The following IRAG2 variants were observed in gnomAD, a reference collection of about 807,000 sequenced individuals.
The protein encoded by IRAG2 is inositol 1,4,5-triphosphate receptor associated 2, also known as lymphoid restricted membrane protein.
IRAG2 carries 45 observed loss-of-function variants against 69.9 expected under a neutral mutation model. The ratio of observed to expected loss-of-function variants is 0.64; its 90% CI spans 0.51 to 0.83. The LOEUF (loss-of-function observed/expected upper bound fraction) is 0.83, where lower values mean the gene tolerates loss of function less well. IRAG2 is among the 40% of genes least tolerant of loss of function. The pLI, the probability that IRAG2 is intolerant of heterozygous loss-of-function variation, is 0.00. For synonymous variants in IRAG2, 193 were observed against 202.4 expected (o/e 0.95, Z 0.40); for missense variants, 520 against 587.0 (o/e 0.89, Z 1.18).
intron 3 of IRAG2, among the ~76,000 whole-genome samples, chr12:25,013,803 A>G (rs1325198396): frequency 2.0e-5 from 3 of 151,708 alleles, no homozygotes. Flanking sequence ...GGAAAATATT[A>G]GAAAGAATTT....
At chr12:25,004,907 A>G (rs1591920527) in exon 1 of IRAG2, 1 of 1,230,304 alleles carries the variant, frequency 8.1e-7, no homozygotes, top group Non-Finnish European at 1.0e-6. Flanking sequence ...TTATCTCTGA[A>G]TGAAGATGGT....
At chr12:25,096,617 T>C (rs1948434698) in intron 14 of IRAG2, among the ~76,000 whole-genome samples, 1 of 152,204 alleles carries the variant, frequency 6.6e-6, no homozygotes, top group South Asian at 2.1e-4. Flanking sequence ...ACCAATTAAT[T>C]GCAGCCCATC....
Position 25,079,736 on chromosome 12 carries a change from T to C in IRAG2, c.217T>C (p.Ser73Pro). The C allele has an allele frequency of 6.2e-7, 1 of 1,613,808 alleles. No individual in the cohort carries two copies. The change falls in exon 9 of 22, where the codon TCA (serine) becomes CCA (proline). Residue 73 changes from serine (S) to proline (P), a missense_variant. Coordinates refer to ENST00000556887, the MANE Select transcript of IRAG2 (RefSeq NM_001366544.2). ...SLCKKEEDTR[S>P]ASPTIEAQGT... is the part of the protein sequence containing the mutation. ...CTGTAAGAAAGAGGAGGATACAAGA[T>C]CAGCTTCTCCCACGATAGAGGCCCA... is the stretch of plus-strand genomic sequence containing the variant.
At chr12:25,026,659 C>T (rs1944624325) in intron 8 of IRAG2, 1 of 405,946 alleles carries the variant, frequency 2.5e-6, no homozygotes, top group African/African-American at 2.1e-5. Context: ...GGAGTAGTGG[C>T]TGAGGTTGAA....
chr12:25,101,390 T>C, intron 16 of IRAG2, 65 bp downstream of exon 16: 1 of 1,184,018 alleles, frequency 8.4e-7, no homozygotes, highest in Middle Eastern at 2.3e-4. Context: ...TTTTGCTAAG[T>C]CTTATTATTA....
intron 7 of IRAG2, chr12:25,020,941 G>T: frequency 9.1e-7 from 1 of 1,103,808 alleles, no homozygotes; most frequent in Non-Finnish European, 1.1e-6. Context: ...TGAATTTGGC[G>T]TATAATTTAC....
chr12:25,047,661 T>C (rs1944805864), upstream of IRAG2, among the ~76,000 whole-genome samples: 1 of 152,074 alleles, frequency 6.6e-6, no homozygotes, highest in South Asian at 2.1e-4. Context: ...CCGCAATGTG[T>C]CCATGTGTTC....
At chr12:25,063,450 T>C (rs1945764936) in intron 3 of IRAG2, among the ~76,000 whole-genome samples, 2 of 152,226 alleles carry the variant, frequency 1.3e-5, no homozygotes, top group Admixed American at 1.3e-4. Context: ...TACATCAAAG[T>C]GTCAATTATT....
chr12:25,088,212 T>C, intron 11 of IRAG2, 55 bp downstream of exon 11: 1 of 1,424,608 alleles, frequency 7.0e-7, no homozygotes, highest in Non-Finnish European at 9.9e-7. Flanking sequence ...GCTGATATTT[T>C]TGTGGGTGAA....
intron 1 of IRAG2, chr12:25,004,981 C>A: frequency 2.0e-6 from 2 of 1,005,776 alleles, no homozygotes; most frequent in Non-Finnish European, 2.6e-6. Flanking sequence ...TTTTAGAATA[C>A]CTGAACTAAA....
At chr12:25,056,879 T>C (rs1200202998) in intron 1 of IRAG2, among the ~76,000 whole-genome samples, 1 of 152,176 alleles carries the variant, frequency 6.6e-6, no homozygotes, top group Non-Finnish European at 1.5e-5. Context: ...AATAAGTGTC[T>C]GCACCTGGGC....
chr12:25,044,324 AAACTC>A (rs1944774307), intron 16 of IRAG2, among the ~76,000 whole-genome samples: 1 of 152,070 alleles, frequency 6.6e-6, no homozygotes, highest in African/African-American at 2.4e-5. Context: ...GAAGTCAACA[AAACTC>A]AAAGGAAGGC....
chr12:25,013,629 G>C (rs1944494797), intron 3 of IRAG2, among the ~76,000 whole-genome samples: 1 of 152,088 alleles, frequency 6.6e-6, no homozygotes, highest in African/African-American at 2.4e-5. Flanking sequence ...TATTTAAAAA[G>C]AGACAATTGG....
chr12:25,011,550 T>G, exon 3 of IRAG2: 1 of 1,231,208 alleles, frequency 8.1e-7, no homozygotes, highest in Non-Finnish European at 1.0e-6. Flanking sequence ...TGGAAACACA[T>G]GGTAATCAGA....
chr12:25,075,530 G>GTC (rs1224028632), intron 6 of IRAG2, among the ~76,000 whole-genome samples: 1 of 137,908 alleles, frequency 7.3e-6, no homozygotes, highest in African/African-American at 2.8e-5. Context: ...GCGTGTGTGT[G>GTC]TGTGTGTGTG....
intron 1 of IRAG2, among the ~76,000 whole-genome samples, chr12:25,061,092 G>T (rs1032492548): frequency 6.6e-6 from 1 of 152,068 alleles, no homozygotes; most frequent in Non-Finnish European, 1.5e-5. Context: ...GTTCTAGCCT[G>T]GTTTTCCATT....
chr12:25,024,287 A>C (rs1016236055), intron 8 of IRAG2, among the ~76,000 whole-genome samples: 6 of 152,224 alleles, frequency 3.9e-5, no homozygotes, highest in African/African-American at 1.4e-4. Context: ...TTCAGATCTT[A>C]AATTCACTGA....
chr12:25,021,762 T>C (rs1233761325), intron 7 of IRAG2, among the ~76,000 whole-genome samples: 1 of 152,254 alleles, frequency 6.6e-6, no homozygotes, highest in East Asian at 1.9e-4. Context: ...TTTTAGAGTC[T>C]CTAAATCTTG....
At chr12:25,000,556 G>A (rs377196065), upstream of IRAG2, among the ~76,000 whole-genome samples, 23 of 152,286 alleles carry the variant, frequency 1.5e-4, no homozygotes, top group South Asian at 1.0e-3. Context: ...GTTTGAGGCC[G>A]CAATGTGCTA....
Sources: allele counts gnomAD v4.1 joint callset (sites outside exome capture counted in the v4.1 genomes callset), GRCh38; gene constraint gnomAD v4.1.1; transcripts MANE v1.5; gene names NCBI Gene and HGNC (gene_info 2026-07-23, HGNC 2026-07-21).